The following SNX25 variants were observed in gnomAD, a reference collection of about 807,000 sequenced individuals.
SNX25 encodes the protein sorting nexin 25.
Under a neutral mutation model 113.7 loss-of-function variants are expected in SNX25, and 62 were observed. That is an observed-to-expected ratio of 0.55 (90% CI 0.44 to 0.67). The LOEUF (loss-of-function observed/expected upper bound fraction) is 0.67, where lower values mean the gene tolerates loss of function less well. Ranked by LOEUF, SNX25 falls within the 30% of genes least tolerant of loss-of-function variation. SNX25 has a pLI of 0.00. For synonymous variants in SNX25, 421 were observed against 436.2 expected (o/e 0.97, Z 0.43); for missense variants, 1,014 against 1,161.0 (o/e 0.87, Z 1.84).
chr4:185,212,491 G>GTGTGTGTGTGTTTTTGTTTTT (rs546083196), intron 1 of SNX25, among the ~76,000 whole-genome samples: 1 of 104,944 alleles, frequency 9.5e-6, no homozygotes, highest in Admixed American at 1.1e-4. Context: ...GTGTGTGTGT[G>GTGTGTGTGTGTTTTTGTTTTT]TTTTTTTTTT....
chr4:185,209,843 C>G lies in SNX25; in HGVS notation c.17C>G (p.Thr6Ser). ...GGAAGCAGCATGCACCCCGATGCGA[C>G]CGACAGTGGCGGCGCCGGCCCCAGC... The part of the protein sequence containing the change: MHPDA[T>S]DSGGAGPSPA... Residue 6 changes from threonine to serine, a missense_variant, in exon 1 of 19, where the codon ACC becomes AGC. Coordinates refer to ENST00000652585, the MANE Select transcript of SNX25 (RefSeq NM_001378034.2). This position sits in a 1 kb window ranked among gnomAD's most constrained non-coding sequence, Gnocchi z 5.2. The G allele has an allele frequency of 1.0e-6, 1 of 983,586 alleles. No individual in the cohort carries two copies. The highest frequency in any genetic ancestry group is 1.2e-6 in the Non-Finnish European group (1 of 829,238). The allele number at this position is 983,586 out of a possible 1,614,324, so 60.9% of individuals were successfully genotyped here.
chr4:185,289,316 A>T (rs1045627120), intron 6 of SNX25, among the ~76,000 whole-genome samples: 1 of 152,208 alleles, frequency 6.6e-6, no homozygotes, highest in African/African-American at 2.4e-5. Flanking sequence ...TTGGAGAAAA[A>T]CAAAGTTGTG....
intron 1 of SNX25, among the ~76,000 whole-genome samples, chr4:185,214,523 T>C (rs1738459053): frequency 6.6e-6 from 1 of 151,708 alleles, no homozygotes; most frequent in South Asian, 2.1e-4. Flanking sequence ...CAGTGAGCCA[T>C]GATCACACCG....
chr4:185,255,856 G>A (rs1579496852), intron 2 of SNX25, among the ~76,000 whole-genome samples: 1 of 152,234 alleles, frequency 6.6e-6, no homozygotes, highest in East Asian at 1.9e-4. Context: ...CTATTTGTTT[G>A]TTGCCAATAA....
chr4:185,215,708 A>G lies in SNX25; in HGVS notation c.429+5453A>G, dbSNP rs111308334. Among the ~76,000 whole-genome samples, 1,488 of 152,204 alleles carry G rather than the reference A, an allele frequency of 9.8e-3. 23 individuals are homozygous for G. Among genetic ancestry groups the G allele is most frequent in the African/African-American group, 0.034 (1,414 of 41,520 alleles). ...CTGGGGGATTTCAGTCATGGTGGCC[A>G]CTGAGAAAAATACTTTTGAGGAAGG... On this transcript the variant is annotated intron_variant, in intron 1 of 18. Transcript: ENST00000652585.
At chr4:185,377,208 ACTGTGC>A in the SNX25 span, 3 of 570,328 alleles carry the variant, frequency 5.3e-6, no homozygotes, top group East Asian at 8.8e-5. Context: ...AGGCCCTAAC[ACTGTGC>A]CTTGTGTAAT....
At chr4:185,251,380 C>T (rs925068676) in intron 2 of SNX25, among the ~76,000 whole-genome samples, 1 of 152,170 alleles carries the variant, frequency 6.6e-6, no homozygotes, top group African/African-American at 2.4e-5. Context: ...AAACTCTTTA[C>T]TTATTAAGTG....
the SNX25 span, among the ~76,000 whole-genome samples, chr4:185,375,408 G>A: frequency 4.0e-3 from 513 of 129,736 alleles, 2 homozygotes; most frequent in Non-Finnish European, 5.8e-3. Context: ...GTGAGCCGAG[G>A]TCGCGCCATT....
chr4:185,363,886 T>C lies in SNX25; in HGVS notation c.*421T>C, dbSNP rs1006181454. The C allele has an allele frequency of 6.5e-6, 1 of 154,254 alleles. No homozygotes were observed. 9.6% of individuals were successfully genotyped at this position (154,254 alleles called of 1,614,324 possible). A position where few individuals can be genotyped will look rare whatever the true frequency, so the allele number is the denominator to read the frequency against. On this transcript the variant is annotated 3_prime_UTR_variant, in exon 19 of 19. Transcript: ENST00000652585. The surrounding 1 kb of genome is among the most constrained non-coding windows in gnomAD (Gnocchi z 4.2). ...TTATGCAATGCTTTGTGTAAAGTTA[T>C]TGTGAAGATTTTATTGTCTTTATTT...
At chr4:185,237,236 G>GT (rs1018381822) in intron 1 of SNX25, among the ~76,000 whole-genome samples, 34 of 151,700 alleles carry the variant, frequency 2.2e-4, no homozygotes, top group Non-Finnish European at 3.1e-4. Context: ...ACAATTTTCT[G>GT]TTTTTTTTGA....
At chr4:185,235,399 GTTC>G (rs1341430180) in intron 1 of SNX25, among the ~76,000 whole-genome samples, 9 of 152,328 alleles carry the variant, frequency 5.9e-5, no homozygotes, top group Non-Finnish European at 4.4e-5. Context: ...TCATTACTCA[GTTC>G]TTCTTCTGGA....
At chr4:185,325,510 G>C (rs1200268527) in intron 9 of SNX25, among the ~76,000 whole-genome samples, 4 of 140,010 alleles carry the variant, frequency 2.9e-5, no homozygotes, top group East Asian at 2.1e-4. Flanking sequence ...TCCAGCCTGG[G>C]CGACAATGTG....
chr4:185,296,265 T>G lies in SNX25; in HGVS notation c.1162+8183T>G, dbSNP rs549613088. ...TGAATTTTGGAGGGGACACAAACATTCAAACCACAGCAGCAGCTAACCGTA... is the reference window on the plus strand; with the variant it reads ...TGAATTTTGGAGGGGACACAAACATGCAAACCACAGCAGCAGCTAACCGTA... On this transcript the variant is annotated intron_variant, in intron 6 of 18. Transcript: ENST00000652585. Among the ~76,000 whole-genome samples the G allele has an allele frequency of 9.2e-5, 14 of 152,248 alleles. No individual in the cohort carries two copies. In the South Asian group the frequency reaches 2.9e-3, roughly 32 times the overall value.
intron 13 of SNX25, among the ~76,000 whole-genome samples, chr4:185,349,590 G>A (rs1384316872): frequency 1.3e-5 from 2 of 151,966 alleles, no homozygotes; most frequent in African/African-American, 4.8e-5. Context: ...TCTTTTGTCT[G>A]GTGTGAGATG....
At chr4:185,279,229 C>T (rs1470354399) in intron 5 of SNX25, among the ~76,000 whole-genome samples, 1 of 152,032 alleles carries the variant, frequency 6.6e-6, no homozygotes, top group African/African-American at 2.4e-5. Flanking sequence ...ACACCTCACC[C>T]TGGGCTGCTC....
chr4:185,288,190 A>G, intron 6 of SNX25, 108 bp downstream of exon 6: 1 of 721,436 alleles, frequency 1.4e-6, no homozygotes, highest in Non-Finnish European at 2.3e-6. Flanking sequence ...TCTGGCTTAC[A>G]TTTAAATATT....
intron 7 of SNX25, among the ~76,000 whole-genome samples, chr4:185,320,451 G>A (rs1173811217): frequency 1.3e-5 from 2 of 152,000 alleles, no homozygotes; most frequent in Non-Finnish European, 2.9e-5. Context: ...ACAGGGAGGG[G>A]AACAACACAC....
downstream of SNX25, among the ~76,000 whole-genome samples, chr4:185,373,393 A>T (rs1408056937): frequency 6.6e-6 from 1 of 152,074 alleles, no homozygotes; most frequent in East Asian, 1.9e-4. Flanking sequence ...CCAAATAGGA[A>T]CTCAGTGTCT....
chr4:185,313,248 A>G (rs1420309765), intron 7 of SNX25, among the ~76,000 whole-genome samples: 1 of 152,244 alleles, frequency 6.6e-6, no homozygotes, highest in Non-Finnish European at 1.5e-5. Context: ...AATACTAAGT[A>G]TAAGAGATCT....
Sources: gnomAD v4.1 joint callset for allele counts (sites outside exome capture counted in the v4.1 genomes callset) on GRCh38, gnomAD v4.1.1 for gene constraint, Gnocchi (gnomAD v3.1) non-coding constraint, MANE v1.5 for transcripts, NCBI Gene and HGNC (gene_info 2026-07-23, HGNC 2026-07-21) for gene names.